The following PCDHA5 variants were observed in gnomAD, a reference collection of about 807,000 sequenced individuals.
PCDHA5 encodes the protein protocadherin alpha 5.
In PCDHA5, 43 loss-of-function variants were observed where a neutral mutation model predicts 61.6. That is an observed-to-expected ratio of 0.70 (90% CI 0.55 to 0.90). PCDHA5 has a LOEUF of 0.90. Among genes scored for constraint, PCDHA5 ranks in the 40% least tolerant of loss-of-function variants. PCDHA5 has a pLI of 0.00. For missense variants in PCDHA5, 1,298 were observed against 1,222.7 expected, an observed-to-expected ratio of 1.06 and a Z score of -0.92; for synonymous variants, 627 against 543.9, an observed-to-expected ratio of 1.15 and a Z score of -2.13.
At chr5:140,958,264 A>G (rs2153717297) in intron 1 of PCDHA5, among the ~76,000 whole-genome samples, 1 of 152,230 alleles carries the variant, frequency 6.6e-6, no homozygotes, top group Admixed American at 6.5e-5. Flanking sequence ...TTAATTTGGT[A>G]CAAGAAGTAT....
Position 140,847,412 on chromosome 5 carries a change from C to T in PCDHA5, c.2352+23285C>T, listed in dbSNP as rs1554141782. On this transcript the variant is annotated intron_variant, in intron 1 of 3. Coordinates refer to ENST00000529859, the MANE Select transcript of PCDHA5 (RefSeq NM_018908.3). ...ACATTAATGGCACAATAAACACTCA[C>T]GGTTTTGCCTTTAGACTTGAGATAC... 2 of 149,550 alleles carry T rather than the reference C, an allele frequency of 1.3e-5. 1 individual carries two copies. Among genetic ancestry groups the T allele is most frequent in the Non-Finnish European group, 3.0e-5 (2 of 66,894 alleles). 9.3% of individuals were successfully genotyped at this position (149,550 alleles called of 1,614,324 possible). A position where few individuals can be genotyped will look rare whatever the true frequency, so the allele number is the denominator to read the frequency against.
chr5:140,978,457 C>G (rs1223652568), intron 1 of PCDHA5, among the ~76,000 whole-genome samples: 1 of 152,182 alleles, frequency 6.6e-6, no homozygotes, highest in Non-Finnish European at 1.5e-5. Context: ...GCACATCCGC[C>G]CTGGGTCAAA....
intron 1 of PCDHA5, among the ~76,000 whole-genome samples, chr5:140,934,702 C>T (rs538683438): frequency 1.3e-5 from 2 of 152,158 alleles, no homozygotes; most frequent in South Asian, 4.2e-4. Context: ...GATTCCTGGC[C>T]ATCTTACAAA....
chr5:140,962,389 G>A (rs551530521), intron 1 of PCDHA5, among the ~76,000 whole-genome samples: 3 of 152,170 alleles, frequency 2.0e-5, no homozygotes, highest in African/African-American at 4.8e-5. Context: ...TTAATATTAC[G>A]CAATCTGCCC....
At chr5:140,908,019 G>A (rs1031093375) in intron 1 of PCDHA5, among the ~76,000 whole-genome samples, 1 of 152,122 alleles carries the variant, frequency 6.6e-6, no homozygotes, top group Non-Finnish European at 1.5e-5. Context: ...ACTGGCTACA[G>A]CCCATTAATC....
rs782133089 is a variant in PCDHA5, at chr5:140,924,894, CAAA to C, written c.2353-54046_2353-54044del. Reference sequence around the variant, plus strand: ...TGGGTGACAGAGCAAGAACCTGTCTCAAAAAAAAAAATAAAATAAAATAAAATA... The same window carrying C: ...TGGGTGACAGAGCAAGAACCTGTCTCAAAAAAAATAAAATAAAATAAAATA... On this transcript the variant is annotated intron_variant, in intron 1 of 3. Transcript: ENST00000529859. Among the ~76,000 whole-genome samples the C allele has an allele frequency of 6.8e-3, 488 of 71,480 alleles. 13 individuals carry two copies. Among genetic ancestry groups the C allele is most frequent in the East Asian group, 0.051 (79 of 1,534 alleles). The allele number at this position is 71,480 out of a possible 152,430, so 46.9% of individuals were successfully genotyped here. A position where few individuals can be genotyped will look rare whatever the true frequency, so the allele number is the denominator to read the frequency against.
intron 3 of PCDHA5, among the ~76,000 whole-genome samples, chr5:140,983,980 G>A (rs1169839423): frequency 6.6e-6 from 1 of 152,286 alleles, no homozygotes; most frequent in African/African-American, 2.4e-5. Flanking sequence ...AAATATACGA[G>A]TTGAAGCAAT....
chr5:140,829,686 A>C, intron 1 of PCDHA5: 1 of 1,613,286 alleles, frequency 6.2e-7, no homozygotes, highest in Non-Finnish European at 8.5e-7. Context: ...GAGCTGCTGC[A>C]GTTTCAGGTG....
chr5:140,858,155 T>C (rs782113419), intron 1 of PCDHA5: 1 of 1,597,742 alleles, frequency 6.3e-7, no homozygotes, highest in African/African-American at 1.3e-5. Context: ...CATCGCCATC[T>C]GCGCGGTGTC....
At position 140,823,693 on chromosome 5, in the gene PCDHA5, G is replaced by A; in HGVS notation, c.1918G>A (p.Glu640Lys). The change falls in exon 1 of 4, where the codon GAA becomes AAA. Residue 640 changes from glutamate to lysine, a missense_variant. By Grantham distance (56) the Glu-to-Lys change is moderately conservative (BLOSUM62 1). Coordinates refer to ENST00000529859, the MANE Select transcript of PCDHA5 (RefSeq NM_018908.3). ...CACAACACGCTCTCTGGATGAGACC[G>A]AAGCACCGCGCCACCGCCTTCTGGT... Reference protein sequence around the residue: ...ISTTRSLDETEAPRHRLLVLV... With the variant: ...ISTTRSLDETKAPRHRLLVLV... 1 of 1,613,958 alleles carries A rather than the reference G, an allele frequency of 6.2e-7. No homozygotes were observed. Among genetic ancestry groups the A allele is most frequent in the Non-Finnish European group, 8.5e-7 (1 of 1,179,950 alleles).
intron 1 of PCDHA5, chr5:140,857,734 C>G: frequency 3.1e-6 from 5 of 1,597,392 alleles, no homozygotes; most frequent in Non-Finnish European, 4.3e-6. Flanking sequence ...ACAACGCTCC[C>G]GCGCTGCTGG....
In PCDHA5 at chr5:140,822,545, G is replaced by A; in HGVS notation, c.770G>A (p.Gly257Glu). The A allele has an allele frequency of 6.2e-7, 1 of 1,613,682 alleles. No individual in the cohort carries two copies. Residue 257 changes from glycine to glutamate, a missense_variant, in exon 1 of 4, where the codon GGG (glycine) becomes GAG (glutamate). Transcript: ENST00000529859. ...NVRLLENAPSGTLVIKLNASD... is the reference protein window; with the variant it reads ...NVRLLENAPSETLVIKLNASD... ...AGATTGTTGGAAAATGCACCAAGTG[G>A]GACATTAGTTATTAAACTGAACGCC...
rs17844287 is a variant in PCDHA5, at chr5:140,821,857, G to T, written c.82G>T (p.Gly28Cys). The T allele has an allele frequency of 9.3e-5, 150 of 1,614,186 alleles. No individual in the cohort carries two copies. The East Asian group carries it at 3.3e-3, about 35-fold the overall frequency. ...LLLAYWKAGS[G>C]QLHYSIPEEA... ...CCTTGCCTACTGGAAGGCAGGGAGC[G>T]GCCAGCTCCACTACTCGATCCCGGA... is the stretch of plus-strand genomic sequence containing the variant. Residue 28 changes from glycine (G) to cysteine (C), a missense_variant, in exon 1 of 4, where the codon GGC (glycine) becomes TGC (cysteine). Transcript: ENST00000529859.
At position 140,843,162 on chromosome 5, in the gene PCDHA5, C is replaced by G; in HGVS notation, c.2352+19035C>G. 1.9e-6 allele frequency: 3 copies of G among 1,596,122 alleles called. 1 individual carries two copies. The highest frequency in any genetic ancestry group is 2.6e-6 in the Non-Finnish European group (3 of 1,165,610). ...TGGCTTTCGTATGAGCTGCAGCCAG[C>G]TGCAAGCAGCCCTCGCATCCCGTTC... On this transcript the variant is annotated intron_variant, in intron 1 of 3. Coordinates refer to ENST00000529859, the MANE Select transcript of PCDHA5 (RefSeq NM_018908.3).
chr5:140,857,383 C>T (rs781834606), intron 1 of PCDHA5: 2 of 1,598,150 alleles, frequency 1.3e-6, no homozygotes, highest in Admixed American at 1.7e-5. Context: ...TGGAGGTGGC[C>T]GACGTGAACG....
chr5:140,830,518 T>G (rs933465467), intron 1 of PCDHA5: 1 of 1,345,070 alleles, frequency 7.4e-7, no homozygotes, highest in Admixed American at 2.6e-5. Flanking sequence ...CAGTTAATTT[T>G]TATTTTAAAT....
chr5:140,919,231 C>T (rs984376374), intron 1 of PCDHA5, among the ~76,000 whole-genome samples: 1 of 152,160 alleles, frequency 6.6e-6, no homozygotes, highest in Admixed American at 6.6e-5. Context: ...TCTAGTAACA[C>T]TTTTTGTCTT....
intron 1 of PCDHA5, chr5:140,830,300 C>T: frequency 6.2e-7 from 1 of 1,613,888 alleles, no homozygotes; most frequent in Non-Finnish European, 8.5e-7. Flanking sequence ...GGCGGACAAG[C>T]CCACGCTGGT....
At chr5:140,916,464 G>T (rs2077577403) in intron 1 of PCDHA5, among the ~76,000 whole-genome samples, 1 of 152,206 alleles carries the variant, frequency 6.6e-6, no homozygotes, top group Non-Finnish European at 1.5e-5. Context: ...ATCACTGCTG[G>T]TTATTTGGTG....
Sources: gnomAD v4.1 joint callset for allele counts (sites outside exome capture counted in the v4.1 genomes callset) on GRCh38, gnomAD v4.1.1 for gene constraint, MANE v1.5 for transcripts, NCBI Gene and HGNC (gene_info 2026-07-23, HGNC 2026-07-21) for gene names.